Variants in ZNF407 observed in about 807,000 individuals in gnomAD.
The protein encoded by ZNF407 is zinc finger protein 407.
Under a neutral mutation model 131.2 loss-of-function variants are expected in ZNF407, and 17 were observed. The ratio of observed to expected loss-of-function variants is 0.13; its 90% CI spans 0.09 to 0.19. The LOEUF is 0.19. Ranked by LOEUF, ZNF407 falls within the 10% of genes least tolerant of loss-of-function variation. The pLI is 1.00. For synonymous variants in ZNF407, 1,156 were observed against 1,062.0 expected (o/e 1.09, Z -1.72); for missense variants, 2,681 against 2,830.6 (o/e 0.95, Z 1.20).
At chr18:74,947,658 T>A (rs1284580180) in intron 8 of ZNF407, among the ~76,000 whole-genome samples, 2 of 152,156 alleles carry the variant, frequency 1.3e-5, no homozygotes, top group Non-Finnish European at 2.9e-5. Flanking sequence ...CAGGTACCAG[T>A]GCTGTCATCC....
At chr18:74,777,405 A>G (rs1003022046) in intron 3 of ZNF407, among the ~76,000 whole-genome samples, 1 of 152,120 alleles carries the variant, frequency 6.6e-6, no homozygotes, top group African/African-American at 2.4e-5. Flanking sequence ...CAAATGGATG[A>G]CTTGAGCAAG....
chr18:75,049,223 G>C (rs980493582), intron 8 of ZNF407, among the ~76,000 whole-genome samples: 1 of 152,076 alleles, frequency 6.6e-6, no homozygotes, highest in Non-Finnish European at 1.5e-5. Flanking sequence ...CATGTTGTTT[G>C]CATTTGGAGG....
intron 3 of ZNF407, among the ~76,000 whole-genome samples, chr18:74,719,302 C>T (rs965165650): frequency 2.6e-5 from 4 of 152,224 alleles, no homozygotes; most frequent in African/African-American, 9.6e-5. Flanking sequence ...AATTTTGTAT[C>T]CTTTAACACA....
intron 3 of ZNF407, among the ~76,000 whole-genome samples, chr18:74,754,271 A>G (rs976152385): frequency 3.3e-5 from 5 of 151,734 alleles, no homozygotes; most frequent in Non-Finnish European, 1.5e-5. Context: ...GCGGTCTATC[A>G]ATTCTGTTGA....
chr18:75,050,699 AGT>A (rs1973490396), intron 8 of ZNF407, among the ~76,000 whole-genome samples: 1 of 152,264 alleles, frequency 6.6e-6, no homozygotes, highest in Non-Finnish European at 1.5e-5. Flanking sequence ...ACAACGGATC[AGT>A]TTGCCCTTTG....
At chr18:75,049,500 A>G (rs1339380551) in intron 8 of ZNF407, among the ~76,000 whole-genome samples, 1 of 152,158 alleles carries the variant, frequency 6.6e-6, no homozygotes, top group African/African-American at 2.4e-5. Flanking sequence ...AAATATTAGC[A>G]AGGACATTGG....
rs1967538032 is a variant in ZNF407, at chr18:74,703,067, A to G, written c.4802+61945A>G. Among the ~76,000 whole-genome samples, 1 of 152,220 alleles carries G rather than the reference A, an allele frequency of 6.6e-6. No homozygotes were observed. On this transcript the variant is annotated intron_variant, in intron 3 of 8. Coordinates refer to ENST00000299687, the MANE Select transcript of ZNF407 (RefSeq NM_017757.3). This position sits in a 1 kb window ranked among gnomAD's most constrained non-coding sequence, Gnocchi z 4.1. ...AGCATAACTTACACATGCCTGGTCT[A>G]GTGGTTGGAGAAACTCCTGATGGAG...
chr18:74,764,982 GT>G (rs1237665406), intron 3 of ZNF407, among the ~76,000 whole-genome samples: 1 of 152,138 alleles, frequency 6.6e-6, no homozygotes, highest in African/African-American at 2.4e-5. Flanking sequence ...AAGCAGGAGG[GT>G]TTGGTCTTCC....
At chr18:74,762,332 C>T (rs954624249) in intron 3 of ZNF407, among the ~76,000 whole-genome samples, 1 of 151,812 alleles carries the variant, frequency 6.6e-6, no homozygotes, top group Non-Finnish European at 1.5e-5. Context: ...GTGTATAATG[C>T]CTGAAAAATG....
chr18:74,851,676 G>C (rs911527558), intron 4 of ZNF407, among the ~76,000 whole-genome samples: 1 of 152,082 alleles, frequency 6.6e-6, no homozygotes, highest in Admixed American at 6.5e-5. Flanking sequence ...GGAAATTCTT[G>C]ATTTATTTTA....
At chr18:74,967,417 T>G (rs1297654280) in intron 8 of ZNF407, among the ~76,000 whole-genome samples, 1 of 152,256 alleles carries the variant, frequency 6.6e-6, no homozygotes, top group African/African-American at 2.4e-5. Flanking sequence ...CTCCATTATT[T>G]AACTGATCTA....
In ZNF407 at chr18:74,635,763, C is replaced by A; in HGVS notation, c.4687+57C>A. 1 of 1,521,798 alleles carries A rather than the reference C, an allele frequency of 6.6e-7. No individual in the cohort carries two copies. The highest frequency in any genetic ancestry group is 8.8e-7 in the Non-Finnish European group (1 of 1,137,148). 94.3% of individuals were successfully genotyped at this position (1,521,798 alleles called of 1,614,324 possible). A position where few individuals can be genotyped will look rare whatever the true frequency, so the allele number is the denominator to read the frequency against. On this transcript the variant is annotated intron_variant, in intron 2 of 8. Transcript: ENST00000299687. The surrounding 1 kb of genome is among the most constrained non-coding windows in gnomAD (Gnocchi z 4.7). ...AGGACATGGGGCCATTTGTTCCCAT[C>A]CAGATATGCAGCCCTACCTGTGGCT...
At chr18:74,724,805 A>T (rs1438162634) in intron 3 of ZNF407, among the ~76,000 whole-genome samples, 1 of 152,084 alleles carries the variant, frequency 6.6e-6, no homozygotes, top group Non-Finnish European at 1.5e-5. Flanking sequence ...ACATCTTTGC[A>T]TATATTTTTG....
chr18:74,687,658 A>G (rs919187807), intron 3 of ZNF407, among the ~76,000 whole-genome samples: 2 of 152,194 alleles, frequency 1.3e-5, no homozygotes, highest in Non-Finnish European at 2.9e-5. Flanking sequence ...TAATATCTAT[A>G]TGTCTTTTCT....
At chr18:74,974,445 G>T (rs1972505915) in intron 8 of ZNF407, among the ~76,000 whole-genome samples, 2 of 152,174 alleles carry the variant, frequency 1.3e-5, no homozygotes, top group South Asian at 4.1e-4. Context: ...TTTGTTTGAA[G>T]ATGGCTGTAA....
At position 75,021,011 on chromosome 18, in the gene ZNF407, T is replaced by A. The variant is rs937810263; in HGVS notation, c.5429-42139T>A. On this transcript the variant is annotated intron_variant, in intron 8 of 8. Transcript: ENST00000299687. Reference sequence around the variant, plus strand: ...GCCCGGAGGCTTTCTGTATTTCACCTCATTTCATTTTCACACCAGCCATAG... The same window carrying A: ...GCCCGGAGGCTTTCTGTATTTCACCACATTTCATTTTCACACCAGCCATAG... Among the ~76,000 whole-genome samples the A allele has an allele frequency of 3.9e-5, 6 of 152,294 alleles. No individual in the cohort carries two copies. In the East Asian group the frequency reaches 1.2e-3, roughly 29 times the overall value.
At chr18:74,723,507 G>A (rs549662816) in intron 3 of ZNF407, among the ~76,000 whole-genome samples, 68 of 152,294 alleles carry the variant, frequency 4.5e-4, no homozygotes, top group African/African-American at 1.6e-3. Context: ...TCAGCTGCTT[G>A]TATCTCATTT....
chr18:75,063,382 C>T lies in ZNF407; in HGVS notation c.5661C>T (p.Ala1887=), dbSNP rs539791902. Residue 1887 remains alanine (A), a synonymous_variant, in exon 9 of 9, where the codon GCC becomes GCT. Transcript: ENST00000299687. This position sits in a 1 kb window ranked among gnomAD's most constrained non-coding sequence, Gnocchi z 6.6. ...ALDPSVEETA[A]ATLQTLAMAG... ...ACCCCTCGGTGGAGGAGACGGCCGCCGCCACGCTGCAGACGCTGGCCATGG... is the reference window on the plus strand; with the variant it reads ...ACCCCTCGGTGGAGGAGACGGCCGCTGCCACGCTGCAGACGCTGGCCATGG... The T allele has an allele frequency of 1.2e-5, 20 of 1,611,174 alleles. No homozygotes were observed. In the East Asian group the frequency reaches 1.6e-4, roughly 13 times the overall value.
At chr18:74,608,493 T>C (rs1306360987) in intron 1 of ZNF407, among the ~76,000 whole-genome samples, 1 of 151,894 alleles carries the variant, frequency 6.6e-6, no homozygotes, top group Non-Finnish European at 1.5e-5. Context: ...ATTACAGGAG[T>C]GCACCACCAC....
Sources: allele counts gnomAD v4.1 joint callset (sites outside exome capture counted in the v4.1 genomes callset), GRCh38; gene constraint gnomAD v4.1.1; non-coding constraint Gnocchi (gnomAD v3.1); transcripts MANE v1.5; gene names NCBI Gene and HGNC (gene_info 2026-07-23, HGNC 2026-07-21).